The following EXT1 variants were observed in gnomAD, a reference collection of about 807,000 sequenced individuals.
The protein encoded by EXT1 is exostosin-1.
Under a neutral mutation model 82.5 loss-of-function variants are expected in EXT1, and 20 were observed. The ratio of observed to expected loss-of-function variants is 0.24; its 90% CI spans 0.17 to 0.35. EXT1 has a LOEUF of 0.35. EXT1 is among the 10% of genes least tolerant of loss of function. EXT1 has a pLI of 1.00. For synonymous variants in EXT1, 348 were observed against 350.8 expected (o/e 0.99, Z 0.09); for missense variants, 757 against 936.5 (o/e 0.81, Z 2.50).
chr8:117,856,255 T>C (rs1563581144), intron 1 of EXT1, among the ~76,000 whole-genome samples: 1 of 145,620 alleles, frequency 6.9e-6, no homozygotes, highest in Non-Finnish European at 1.5e-5. Flanking sequence ...GCTTTTTCTT[T>C]TTTTTTTTTT....
intron 1 of EXT1, among the ~76,000 whole-genome samples, chr8:117,942,910 T>C (rs939250633): frequency 2.6e-5 from 4 of 152,192 alleles, no homozygotes; most frequent in Non-Finnish European, 5.9e-5. Context: ...AAAGTGATCC[T>C]GGGGAAATAC....
chr8:117,871,412 C>T (rs117476502), intron 1 of EXT1, among the ~76,000 whole-genome samples: 2 of 152,158 alleles, frequency 1.3e-5, no homozygotes, highest in African/African-American at 2.4e-5. Flanking sequence ...TCCTCATCCC[C>T]GTGAGGGGCT....
chr8:118,014,518 G>A (rs117560561), intron 1 of EXT1, among the ~76,000 whole-genome samples: 4,065 of 152,246 alleles, frequency 0.027, 82 homozygotes, highest in Non-Finnish European at 0.037. Context: ...AATGCCAAAG[G>A]ACTTCCCTGA....
intron 1 of EXT1, among the ~76,000 whole-genome samples, chr8:117,901,115 C>G (rs774880989): frequency 6.6e-6 from 1 of 152,168 alleles, no homozygotes; most frequent in Non-Finnish European, 1.5e-5. Flanking sequence ...CTTTAGAATA[C>G]AGTCATGAGT....
Position 117,807,152 on chromosome 8 carries a change from A to G in EXT1, c.1883+65T>C. 7 of 1,601,780 alleles carry G rather than the reference A, an allele frequency of 4.4e-6. No individual in the cohort carries two copies. The South Asian group carries it at 7.7e-5, about 18-fold the overall frequency. ...TTAACAAGATTTGGCCTTAGTTCCT[A>G]TTTATGCAGCAGCCAATATAAAAAG... On this transcript the variant is annotated intron_variant, in intron 9 of 10. Transcript: ENST00000378204.
intron 1 of EXT1, among the ~76,000 whole-genome samples, chr8:118,006,730 C>T (rs901165229): frequency 8.5e-5 from 13 of 152,126 alleles, no homozygotes; most frequent in Non-Finnish European, 1.2e-4. Flanking sequence ...TAAAGAGTTG[C>T]TTTAGGAAGA....
chr8:117,957,142 AACGAGGGG>A (rs997729458), intron 1 of EXT1, among the ~76,000 whole-genome samples: 10 of 152,224 alleles, frequency 6.6e-5, no homozygotes, highest in South Asian at 2.1e-4. Flanking sequence ...TTACACACAC[AACGAGGGG>A]AAGAGCCTCA....
At chr8:118,080,250 C>G (rs950286532) in intron 1 of EXT1, among the ~76,000 whole-genome samples, 8 of 152,294 alleles carry the variant, frequency 5.3e-5, no homozygotes, top group Non-Finnish European at 8.8e-5. Context: ...CTTTTATCAT[C>G]AACAAGAACT....
intron 1 of EXT1, among the ~76,000 whole-genome samples, chr8:117,912,062 G>C (rs1302881341): frequency 6.6e-6 from 1 of 151,960 alleles, no homozygotes; most frequent in Admixed American, 6.6e-5. Flanking sequence ...CTAATTTTTA[G>C]GCACCTGAAG....
At chr8:117,829,569 CTTTTTTTTTTTTTT>C (rs35823668) in intron 4 of EXT1, among the ~76,000 whole-genome samples, 13,266 of 97,176 alleles carry the variant, frequency 0.14, 889 homozygotes, top group African/African-American at 0.23. Flanking sequence ...ATATATTTTT[CTTTTTTTTTTTTTT>C]TTTTTTTGAG....
Position 118,097,138 on chromosome 8 carries a change from C to CTTT in EXT1, c.962+12944_962+12946dup, listed in dbSNP as rs935038259. The stretch of plus-strand genomic sequence containing the variant: ...CTTTGCATCCAAACGACCTGGTGAG[C>CTTT]TTTTTAAAAACCTGGAACTTCGGCC... On this transcript the variant is annotated intron_variant, in intron 1 of 10. Transcript: ENST00000378204. Among the ~76,000 whole-genome samples, 38 of 152,170 alleles carry CTTT rather than the reference C, an allele frequency of 2.5e-4. 1 individual carries two copies. The highest frequency in any genetic ancestry group is 8.7e-4 in the African/African-American group (36 of 41,508).
At chr8:117,799,990 CA>C in intron 10 of EXT1, 93 bp from the exon 11 acceptor site, 1 of 1,375,200 alleles carries the variant, frequency 7.3e-7, no homozygotes. Context: ...AATGAGCAAG[CA>C]GCAAAGCTTG....
At chr8:117,809,809 T>C (rs1240975890) in intron 8 of EXT1, among the ~76,000 whole-genome samples, 6 of 152,096 alleles carry the variant, frequency 3.9e-5, no homozygotes, top group African/African-American at 1.4e-4. Flanking sequence ...TAGTGGTCAA[T>C]ACTAATGGAG....
rs1233422190 is a variant in EXT1, at chr8:118,100,026, C to A, written c.962+10059G>T. ...AGGGCAGTCGTTTCACTGACCAGGTCACCACCATACCCAAGACGTGGCCTA... is the reference window on the plus strand; with the variant it reads ...AGGGCAGTCGTTTCACTGACCAGGTAACCACCATACCCAAGACGTGGCCTA... On this transcript the variant is annotated intron_variant, in intron 1 of 10. Coordinates refer to ENST00000378204, the MANE Select transcript of EXT1 (RefSeq NM_000127.3). Among the ~76,000 whole-genome samples the A allele has an allele frequency of 3.3e-5, 5 of 152,278 alleles. 1 individual carries two copies. Among genetic ancestry groups the A allele is most frequent in the African/African-American group, 1.2e-4 (5 of 41,556 alleles).
At chr8:117,998,068 C>A (rs890695085) in intron 1 of EXT1, among the ~76,000 whole-genome samples, 2 of 147,656 alleles carry the variant, frequency 1.4e-5, no homozygotes, top group Admixed American at 6.9e-5. Context: ...GGCTGGAGTG[C>A]AGTGGCTCGA....
Position 117,943,696 on chromosome 8 carries a change from G to T in EXT1, c.963-106495C>A, listed in dbSNP as rs553902148. Among the ~76,000 whole-genome samples, 133 of 152,202 alleles carry T rather than the reference G, an allele frequency of 8.7e-4. 1 individual carries two copies. Among genetic ancestry groups the T allele is most frequent in the Non-Finnish European group, 1.6e-3 (108 of 68,040 alleles). On this transcript the variant is annotated intron_variant, in intron 1 of 10. Transcript: ENST00000378204. ...AAAATTATCAGTGATTTTAAATTTT[G>T]CCATTGATATTACATGTGTAATAAT...
Position 118,090,139 on chromosome 8 carries a change from A to G in EXT1, c.962+19946T>C, listed in dbSNP as rs114916446. Reference sequence around the variant, plus strand: ...AAAAACCTGTAAAAAAGAGCCAAGTAGGCCACAAGTGGTGGCTCATGCCTG... The same window carrying G: ...AAAAACCTGTAAAAAAGAGCCAAGTGGGCCACAAGTGGTGGCTCATGCCTG... On this transcript the variant is annotated intron_variant, in intron 1 of 10. Coordinates refer to ENST00000378204, the MANE Select transcript of EXT1 (RefSeq NM_000127.3). Among the ~76,000 whole-genome samples, 1,187 of 152,316 alleles carry G rather than the reference A, an allele frequency of 7.8e-3. 18 individuals carry two copies. Among genetic ancestry groups the G allele is most frequent in the African/African-American group, 0.027 (1,122 of 41,568 alleles).
At chr8:117,947,150 C>T (rs1328629566) in intron 1 of EXT1, among the ~76,000 whole-genome samples, 1 of 152,150 alleles carries the variant, frequency 6.6e-6, no homozygotes, top group Non-Finnish European at 1.5e-5. Context: ...GTGTAATCCA[C>T]ATAAACTAGG....
intron 4 of EXT1, among the ~76,000 whole-genome samples, chr8:117,828,764 G>T (rs1812048940): frequency 6.6e-6 from 1 of 152,126 alleles, no homozygotes; most frequent in African/African-American, 2.4e-5. Flanking sequence ...TCATGGGAAT[G>T]GGCCTGGGTC....
Sources: allele counts gnomAD v4.1 joint callset (sites outside exome capture counted in the v4.1 genomes callset), GRCh38; gene constraint gnomAD v4.1.1; transcripts MANE v1.5; gene names NCBI Gene and HGNC (gene_info 2026-07-23, HGNC 2026-07-21).